Variants in CYLD observed in about 807,000 individuals in gnomAD.
CYLD encodes CYLD lysine 63 deubiquitinase, also known as ubiquitin carboxyl-terminal hydrolase CYLD.
CYLD carries 26 observed loss-of-function variants against 104.5 expected under a neutral mutation model. The ratio of observed to expected loss-of-function variants is 0.25; its 90% confidence interval spans 0.18 to 0.35. The LOEUF (loss-of-function observed/expected upper bound fraction) is 0.35. Among genes scored for constraint, CYLD ranks in the 10% least tolerant of loss-of-function variants. The pLI is 1.00. For synonymous variants in CYLD, 385 were observed against 399.9 expected (o/e 0.96, Z 0.45); for missense variants, 703 against 1,136.1 (o/e 0.62, Z 5.48).
Position 50,749,624 on chromosome 16 carries a change from T to C in CYLD, c.-75T>C. 6.7e-7 allele frequency: 1 copy of C among 1,486,978 alleles called. No homozygotes were observed. Among genetic ancestry groups the C allele is most frequent in the Non-Finnish European group, 9.2e-7 (1 of 1,082,486 alleles). 92.1% of individuals were successfully genotyped at this position (1,486,978 alleles called of 1,614,324 possible). A position where few individuals can be genotyped will look rare whatever the true frequency, so the allele number is the denominator to read the frequency against. ...CATGCTTTGGGACTGCCACTGAATT[T>C]ATCTTTTGCGGTTTTATGACAAAGT... On this transcript the variant is annotated 5_prime_UTR_variant, in exon 3 of 19. Transcript: ENST00000427738.
At chr16:50,756,966 C>G (rs1049983331) in intron 5 of CYLD, among the ~76,000 whole-genome samples, 2 of 152,128 alleles carry the variant, frequency 1.3e-5, no homozygotes, top group Non-Finnish European at 2.9e-5. Context: ...ATGTGAAGAC[C>G]TGCATAGAAA....
Position 50,794,950 on chromosome 16 carries a change from T to C in CYLD, c.2686+522T>C, listed in dbSNP as rs1291084994. 1 of 168,214 alleles carries C rather than the reference T, an allele frequency of 5.9e-6. No individual in the cohort carries two copies. The highest frequency in any genetic ancestry group is 1.3e-5 in the Non-Finnish European group (1 of 77,468). 10.4% of individuals were successfully genotyped at this position (168,214 alleles called of 1,614,324 possible). A position where few individuals can be genotyped will look rare whatever the true frequency, so the allele number is the denominator to read the frequency against. On this transcript the variant is annotated intron_variant, in intron 18 of 18. Transcript: ENST00000427738. This position sits in a 1 kb window ranked among gnomAD's most constrained non-coding sequence, Gnocchi z 4.1. The stretch of plus-strand genomic sequence containing the variant: ...TTGTGATATTTTGACATGCATATGC[T>C]CTTTTTTTAAAAAAAAGAATCCTAA...
intron 3 of CYLD, 111 bp downstream of exon 3, chr16:50,750,313 G>GA: frequency 1.5e-5 from 19 of 1,262,902 alleles, no homozygotes; most frequent in Middle Eastern, 4.2e-4. Flanking sequence ...ATTTTCCCAA[G>GA]AGTCTTCTGT....
intron 5 of CYLD, among the ~76,000 whole-genome samples, chr16:50,757,359 T>G (rs1407619312): frequency 6.6e-6 from 1 of 152,230 alleles, no homozygotes; most frequent in East Asian, 1.9e-4. Context: ...TCAATTTTAC[T>G]TCTTCAAAGT....
intron 16 of CYLD, 32 bp from the exon 17 acceptor site, chr16:50,793,514 T>C (rs1971638375): frequency 7.0e-7 from 1 of 1,430,722 alleles, no homozygotes; most frequent in Non-Finnish European, 9.9e-7. Flanking sequence ...TTTAAAGTCC[T>C]CTTAACTTCC....
chr16:50,799,472 A>AGT lies in CYLD; in HGVS notation c.*2964_*2965insGT. The AGT allele has an allele frequency of 8.6e-6, 2 of 233,800 alleles. No homozygotes were observed. The highest frequency in any genetic ancestry group is 1.7e-5 in the Non-Finnish European group (2 of 118,046). The allele number at this position is 233,800 out of a possible 1,614,324, so 14.5% of individuals were successfully genotyped here. On this transcript the variant is annotated 3_prime_UTR_variant, in exon 19 of 19. Transcript: ENST00000427738. ...CTAGGAAAACACGTTGAAAACTAGG[A>AGT]TAAACAGCAACAAAAATCAACTAAA... is the stretch of plus-strand genomic sequence containing the variant.
In CYLD at chr16:50,798,305, T is replaced by TA. The variant is rs1331166203; in HGVS notation, c.*1798dup. The TA allele has an allele frequency of 8.6e-6, 2 of 231,712 alleles. No individual in the cohort carries two copies. Among genetic ancestry groups the TA allele is most frequent in the African/African-American group, 4.4e-5 (2 of 45,260 alleles). The allele number at this position is 231,712 out of a possible 1,614,324, so 14.4% of individuals were successfully genotyped here. A position where few individuals can be genotyped will look rare whatever the true frequency, so the allele number is the denominator to read the frequency against. ...GATTCAACCAACTGCAAATGGAAAA[T>TA]ACGATTTTTTTTAAAAAAAGGATGG... On this transcript the variant is annotated 3_prime_UTR_variant, in exon 19 of 19. Coordinates refer to ENST00000427738, the MANE Select transcript of CYLD (RefSeq NM_001378743.1).
rs1161686919 is a variant in CYLD, at chr16:50,794,751, G to A, written c.2686+323G>A. On this transcript the variant is annotated intron_variant, in intron 18 of 18. Coordinates refer to ENST00000427738, the MANE Select transcript of CYLD (RefSeq NM_001378743.1). The surrounding 1 kb of genome is among the most constrained non-coding windows in gnomAD (Gnocchi z 4.1). ...TCCTCCCACCTCAGCCTCCTGAGTA[G>A]CTGGGACTACACGCATATGCCACCA... is the stretch of plus-strand genomic sequence containing the variant. 2.6e-6 allele frequency: 1 copy of A among 387,100 alleles called. No homozygotes were observed. The highest frequency in any genetic ancestry group is 4.9e-6 in the Non-Finnish European group (1 of 202,604). 24.0% of individuals were successfully genotyped at this position (387,100 alleles called of 1,614,324 possible). A position where few individuals can be genotyped will look rare whatever the true frequency, so the allele number is the denominator to read the frequency against.
chr16:50,782,217 C>A, intron 10 of CYLD, 108 bp from the exon 11 acceptor site: 1 of 925,766 alleles, frequency 1.1e-6, no homozygotes, highest in Non-Finnish European at 1.6e-6. Flanking sequence ...AAAAATTTTG[C>A]ATCAAAATAC....
chr16:50,774,101 C>G (rs954059330), intron 5 of CYLD, among the ~76,000 whole-genome samples: 9 of 152,208 alleles, frequency 5.9e-5, no homozygotes, highest in African/African-American at 1.4e-4. Flanking sequence ...TGGTTACTAA[C>G]TATATAATGG....
rs1970057505 is a variant in CYLD at position 50,779,987 on chromosome 16, A to G, written c.1461A>G (p.Val487=). Residue 487 remains valine (V), a synonymous_variant, in exon 9 of 19, where the codon GTA becomes GTG. Coordinates refer to ENST00000427738, the MANE Select transcript of CYLD (RefSeq NM_001378743.1). ...EVKENPPFYG[V]IRWIGQPPGL... is the part of the protein sequence containing the mutation. ...AGGAGAACCCTCCTTTCTATGGGGT[A>G]ATCCGTTGGATCGGTCAGCCACCAG... 9 of 1,614,148 alleles carry G rather than the reference A, an allele frequency of 5.6e-6. No homozygotes were observed. Among genetic ancestry groups the G allele is most frequent in the Non-Finnish European group, 7.6e-6 (9 of 1,179,974 alleles).
chr16:50,790,969 T>C (rs1287276977), intron 14 of CYLD, among the ~76,000 whole-genome samples: 1 of 152,160 alleles, frequency 6.6e-6, no homozygotes, highest in East Asian at 1.9e-4. Flanking sequence ...ACTTGGTATT[T>C]GTTGAATAAA....
At chr16:50,743,943 T>A (rs935703746) in intron 2 of CYLD, among the ~76,000 whole-genome samples, 1 of 152,254 alleles carries the variant, frequency 6.6e-6, no homozygotes, top group Non-Finnish European at 1.5e-5. Flanking sequence ...TCTCTTTCTC[T>A]TGGTTTAATC....
Position 50,755,145 on chromosome 16 carries a change from A to ATG in CYLD, c.913+727_913+728dup, listed in dbSNP as rs140764159. 2.5e-3 allele frequency among the ~76,000 whole-genome samples: 88 copies of ATG among 34,898 alleles called. 5 individuals carry two copies. Among genetic ancestry groups the ATG allele is most frequent in the Non-Finnish European group, 3.3e-3 (57 of 17,238 alleles). The allele number at this position is 34,898 out of a possible 152,430, so 22.9% of individuals were successfully genotyped here. The stretch of plus-strand genomic sequence containing the variant: ...TGTGTATATATACACACGTGTACAT[A>ATG]TGTGTGTATATACACACGTGTACAT... On this transcript the variant is annotated intron_variant, in intron 5 of 18. Transcript: ENST00000427738.
At position 50,787,867 on chromosome 16, in the gene CYLD, G is replaced by T; in HGVS notation, c.2108+15G>T. The T allele has an allele frequency of 7.2e-7, 1 of 1,391,602 alleles. No homozygotes were observed. The highest frequency in any genetic ancestry group is 1.8e-5 in the Admixed American group (1 of 56,714). 86.2% of individuals were successfully genotyped at this position (1,391,602 alleles called of 1,614,324 possible). ...CTAAAAATAAGGTAACCTTTAAATT[G>T]TTCTAGAAGCATTGGAAAAATAGAC... On this transcript the variant is annotated intron_variant, in intron 14 of 18. Coordinates refer to ENST00000427738, the MANE Select transcript of CYLD (RefSeq NM_001378743.1).
intron 2 of CYLD, among the ~76,000 whole-genome samples, chr16:50,747,266 C>G (rs1218818499): frequency 6.6e-6 from 1 of 152,158 alleles, no homozygotes; most frequent in African/African-American, 2.4e-5. Flanking sequence ...ACATATTTCA[C>G]TACCTGGCTT....
At chr16:50,775,118 T>G (rs1485750653) in intron 5 of CYLD, 48 bp from the exon 6 acceptor site, 17 of 1,563,172 alleles carry the variant, frequency 1.1e-5, no homozygotes, top group Admixed American at 1.7e-5. Flanking sequence ...TTTCTTTCTT[T>G]CTGTCCTCAA....
At chr16:50,761,828 C>A (rs569756774) in intron 5 of CYLD, among the ~76,000 whole-genome samples, 2 of 151,432 alleles carry the variant, frequency 1.3e-5, no homozygotes, top group East Asian at 3.9e-4. Flanking sequence ...AATATAAATC[C>A]AATCTAGTTT....
intron 5 of CYLD, among the ~76,000 whole-genome samples, chr16:50,771,349 T>C (rs1234645588): frequency 6.7e-6 from 1 of 150,278 alleles, no homozygotes. Flanking sequence ...ACTCTAACCT[T>C]CTTTATGGTT....
Sources: gnomAD v4.1 joint callset for allele counts (sites outside exome capture counted in the v4.1 genomes callset) on GRCh38, gnomAD v4.1.1 for gene constraint, Gnocchi (gnomAD v3.1) non-coding constraint, MANE v1.5 for transcripts, NCBI Gene and HGNC (gene_info 2026-07-23, HGNC 2026-07-21) for gene names.